The following CUL5 variants were observed in gnomAD, a reference collection of about 807,000 sequenced individuals.
CUL5 encodes cullin 5, also known as cullin-5.
CUL5 carries 26 observed loss-of-function variants against 108.8 expected under a neutral mutation model. That is an observed-to-expected ratio of 0.24 (90% CI 0.18 to 0.33). The LOEUF (loss-of-function observed/expected upper bound fraction) is 0.33, where lower values mean the gene tolerates loss of function less well. Among genes scored for constraint, CUL5 ranks in the 10% least tolerant of loss-of-function variants. CUL5 has a pLI of 1.00. For synonymous variants in CUL5, 334 were observed against 298.0 expected (o/e 1.12, Z -1.25); for missense variants, 524 against 909.2 (o/e 0.58, Z 5.45).
chr11:108,011,005 AAAAGG>A (rs1311080171), intron 1 of CUL5, among the ~76,000 whole-genome samples: 2 of 152,210 alleles, frequency 1.3e-5, no homozygotes, highest in East Asian at 1.9e-4. Flanking sequence ...ATGAAAAAAG[AAAAGG>A]AAAGAAAATT....
At position 108,009,276 on chromosome 11, in the gene CUL5, G is replaced by A. The variant is rs532077219; in HGVS notation, c.-73G>A. On this transcript the variant is annotated 5_prime_UTR_variant, in exon 1 of 19. Transcript: ENST00000393094. ...GGCCCTGGGCCCTGGTGGGAGCTCC[G>A]GCCTCCGGTCAAGGCCTGGCCGGGA... 5.1e-6 allele frequency: 8 copies of A among 1,570,052 alleles called. No individual in the cohort carries two copies. In the South Asian group the frequency reaches 6.7e-5, roughly 13 times the overall value.
intron 11 of CUL5, among the ~76,000 whole-genome samples, chr11:108,085,623 A>G (rs572879968): frequency 1.3e-5 from 2 of 152,322 alleles, no homozygotes; most frequent in Admixed American, 1.3e-4. Context: ...AAAGGAATGA[A>G]CTACTGGTAC....
intron 13 of CUL5, among the ~76,000 whole-genome samples, chr11:108,091,336 C>T (rs1468236464): frequency 1.3e-5 from 2 of 151,276 alleles, no homozygotes; most frequent in Admixed American, 6.7e-5. Flanking sequence ...CAGGCGTGAG[C>T]CACCACACCC....
chr11:108,092,169 T>C (rs1278979467), intron 13 of CUL5, among the ~76,000 whole-genome samples: 1 of 152,140 alleles, frequency 6.6e-6, no homozygotes, highest in African/African-American at 2.4e-5. Flanking sequence ...GATACTACTT[T>C]ATTCCCACTA....
chr11:108,018,117 G>A (rs1449035470), intron 1 of CUL5, among the ~76,000 whole-genome samples: 1 of 152,130 alleles, frequency 6.6e-6, no homozygotes, highest in East Asian at 1.9e-4. Context: ...GAGGAATGGA[G>A]GAAGGGCATT....
intron 1 of CUL5, among the ~76,000 whole-genome samples, chr11:108,014,354 G>A (rs1034308585): frequency 1.3e-5 from 2 of 152,250 alleles, no homozygotes; most frequent in African/African-American, 4.8e-5. Context: ...TTGCAGCATA[G>A]AAACCCAGAA....
At chr11:108,098,053 G>GTTTTGT (rs1184650341) in intron 17 of CUL5, among the ~76,000 whole-genome samples, 11 of 151,530 alleles carry the variant, frequency 7.3e-5, no homozygotes, top group South Asian at 4.2e-4. Flanking sequence ...GTGTTGTTTT[G>GTTTTGT]TTTCGTTTTT....
chr11:108,016,232 T>TTTCTCTTCTC (rs149084814), intron 1 of CUL5, among the ~76,000 whole-genome samples: 1 of 151,334 alleles, frequency 6.6e-6, no homozygotes, highest in Non-Finnish European at 1.5e-5. Flanking sequence ...AGGTTTTTCT[T>TTTCTCTTCTC]TTCTCTTCTC....
intron 7 of CUL5, among the ~76,000 whole-genome samples, chr11:108,056,333 G>A (rs893843800): frequency 3.9e-5 from 6 of 152,100 alleles, no homozygotes; most frequent in African/African-American, 1.4e-4. Flanking sequence ...ACTCTGAATG[G>A]GATTTAAAAT....
intron 1 of CUL5, among the ~76,000 whole-genome samples, chr11:108,032,869 T>C (rs1452309837): frequency 6.6e-6 from 1 of 152,026 alleles, no homozygotes; most frequent in Non-Finnish European, 1.5e-5. Flanking sequence ...TTTTTTCTCC[T>C]CAGTTTTCAG....
At chr11:108,074,675 A>G (rs1863904885) in intron 10 of CUL5, among the ~76,000 whole-genome samples, 1 of 151,998 alleles carries the variant, frequency 6.6e-6, no homozygotes. Flanking sequence ...ACGTGGTGGT[A>G]CATGCGTGTA....
intron 2 of CUL5, 53 bp downstream of exon 2, chr11:108,033,964 C>A: frequency 1.0e-6 from 1 of 1,003,866 alleles, no homozygotes; most frequent in African/African-American, 1.6e-5. Flanking sequence ...TTAGTGATGT[C>A]TTTCCATACC....
At chr11:108,077,890 A>C (rs1863980301) in intron 10 of CUL5, among the ~76,000 whole-genome samples, 2 of 152,142 alleles carry the variant, frequency 1.3e-5, no homozygotes, top group Non-Finnish European at 2.9e-5. Flanking sequence ...CGGAGGTTGC[A>C]GTGAGTGGAG....
At chr11:108,091,299 C>T (rs1235497084) in intron 13 of CUL5, among the ~76,000 whole-genome samples, 2 of 151,912 alleles carry the variant, frequency 1.3e-5, no homozygotes, top group Non-Finnish European at 2.9e-5. Context: ...GATCCGCCTG[C>T]CTCGGCCTCC....
intron 2 of CUL5, among the ~76,000 whole-genome samples, chr11:108,035,967 G>A (rs1422760396): frequency 3.9e-5 from 6 of 152,046 alleles, no homozygotes; most frequent in Admixed American, 6.6e-5. Flanking sequence ...CTGCAGGCTC[G>A]CAGCCATATT....
chr11:108,104,169 T>A (rs1864735643), intron 18 of CUL5, 21 bp from the exon 19 acceptor site: 1 of 1,489,474 alleles, frequency 6.7e-7, no homozygotes, highest in Non-Finnish European at 9.1e-7. Context: ...AATGCGCTTT[T>A]ATTTTTATTT....
chr11:108,078,089 C>A, intron 10 of CUL5, 87 bp from the exon 11 acceptor site: 1 of 733,456 alleles, frequency 1.4e-6, no homozygotes, highest in South Asian at 2.2e-5. Flanking sequence ...TAAAAACTAA[C>A]ATATTTTTAT....
chr11:108,048,426 G>A (rs577296662), intron 3 of CUL5, among the ~76,000 whole-genome samples: 3 of 152,252 alleles, frequency 2.0e-5, no homozygotes, highest in Non-Finnish European at 4.4e-5. Context: ...GGTGGTCTAA[G>A]AGAGCATTAA....
At chr11:108,094,693 G>A (rs1305616865) in intron 14 of CUL5, 119 bp from the exon 15 acceptor site, 1 of 900,330 alleles carries the variant, frequency 1.1e-6, no homozygotes, top group Admixed American at 3.2e-5. Flanking sequence ...CAAAACAAAA[G>A]GACACTTTTA....
Sources: gnomAD v4.1 joint callset for allele counts (sites outside exome capture counted in the v4.1 genomes callset) on GRCh38, gnomAD v4.1.1 for gene constraint, MANE v1.5 for transcripts, NCBI Gene and HGNC (gene_info 2026-07-23, HGNC 2026-07-21) for gene names.